The following THSD4 variants were observed in gnomAD, a reference collection of about 807,000 sequenced individuals.
THSD4 encodes the protein thrombospondin type 1 domain containing 4.
In THSD4, 69 loss-of-function variants were observed where a neutral mutation model predicts 119.0. The ratio of observed to expected loss-of-function variants is 0.58; its 90% CI spans 0.48 to 0.71. The LOEUF is 0.71. Ranked by LOEUF, THSD4 falls within the 30% of genes least tolerant of loss-of-function variation. THSD4 has a pLI of 0.00. For synonymous variants in THSD4, 524 were observed against 540.4 expected (o/e 0.97, Z 0.42); for missense variants, 1,393 against 1,391.1 (o/e 1.00, Z -0.02).
At chr15:71,581,226 CTT>C (rs1282781717) in intron 7 of THSD4, among the ~76,000 whole-genome samples, 3 of 152,058 alleles carry the variant, frequency 2.0e-5, no homozygotes, top group African/African-American at 7.2e-5. Context: ...AACACTTAAT[CTT>C]TTGTCTTTTG....
intron 1 of THSD4, among the ~76,000 whole-genome samples, chr15:71,118,684 A>T (rs752972652): frequency 6.6e-6 from 1 of 152,156 alleles, no homozygotes; most frequent in African/African-American, 2.4e-5. Context: ...TTGCGTGTGT[A>T]TGCAGAATCG....
chr15:71,609,358 C>T (rs2050175641), intron 7 of THSD4, among the ~76,000 whole-genome samples: 1 of 152,176 alleles, frequency 6.6e-6, no homozygotes. Flanking sequence ...TTTCTCTTAG[C>T]TCAGCCCTGT....
At chr15:71,274,650 C>T (rs993738445) in intron 6 of THSD4, among the ~76,000 whole-genome samples, 17 of 152,162 alleles carry the variant, frequency 1.1e-4, no homozygotes, top group Admixed American at 2.0e-4. Flanking sequence ...ATGTTTCTCT[C>T]TCTAGCTAAA....
chr15:71,141,654 T>G lies in THSD4; in HGVS notation c.29+98T>G. 3.8e-6 allele frequency: 5 copies of G among 1,317,384 alleles called. No homozygotes were observed. In the South Asian group the frequency reaches 7.0e-5, roughly 18 times the overall value. The allele number at this position is 1,317,384 out of a possible 1,614,324, so 81.6% of individuals were successfully genotyped here. ...CTTAAAGTAAGTGATCTTAAGGGTC[T>G]GCAGCTGACTGATATTTTTGATATA... is the stretch of plus-strand genomic sequence containing the variant. On this transcript the variant is annotated intron_variant, in intron 2 of 17. Transcript: ENST00000261862.
intron 7 of THSD4, among the ~76,000 whole-genome samples, chr15:71,423,818 C>T (rs1447825414): frequency 1.3e-5 from 2 of 152,154 alleles, no homozygotes; most frequent in African/African-American, 4.8e-5. Context: ...AGTACATTAG[C>T]CCACCGTGGC....
At chr15:71,294,136 A>T (rs2044829566) in intron 6 of THSD4, among the ~76,000 whole-genome samples, 1 of 152,092 alleles carries the variant, frequency 6.6e-6, no homozygotes, top group Non-Finnish European at 1.5e-5. Context: ...AGTCTGTAAC[A>T]CCTCTCTGAA....
chr15:71,299,977 AT>A (rs1483310813), intron 6 of THSD4, among the ~76,000 whole-genome samples: 5,419 of 31,302 alleles, frequency 0.17, 108 homozygotes, highest in South Asian at 0.25. Flanking sequence ...AAAAAAAAAA[AT>A]ATATATATAT....
intron 7 of THSD4, 82 bp from the exon 8 acceptor site, chr15:71,660,445 TTTC>T: frequency 6.5e-7 from 1 of 1,543,580 alleles, no homozygotes; most frequent in East Asian, 2.3e-5. Context: ...AGAAAAGAAA[TTTC>T]TTGCCCAGGG....
At chr15:71,729,317 TG>T (rs2052927506) in intron 9 of THSD4, 1 of 153,224 alleles carries the variant, frequency 6.5e-6, no homozygotes, top group Non-Finnish European at 1.5e-5. Flanking sequence ...GAGTTTTAAA[TG>T]GTCCTTACGT....
intron 6 of THSD4, among the ~76,000 whole-genome samples, chr15:71,362,689 A>C (rs1323134479): frequency 6.6e-6 from 1 of 152,186 alleles, no homozygotes; most frequent in Non-Finnish European, 1.5e-5. Flanking sequence ...ATTTCCATGC[A>C]TGGTCCCGGT....
At chr15:71,491,038 A>C (rs946823453) in intron 7 of THSD4, among the ~76,000 whole-genome samples, 1 of 152,250 alleles carries the variant, frequency 6.6e-6, no homozygotes, top group Admixed American at 6.5e-5. Context: ...TTTTGTGTGC[A>C]TGTATGGTAT....
chr15:71,192,542 C>T (rs933777221), intron 3 of THSD4, among the ~76,000 whole-genome samples: 1 of 151,952 alleles, frequency 6.6e-6, no homozygotes, highest in Non-Finnish European at 1.5e-5. Flanking sequence ...GGCCTCCCAA[C>T]GTGTTGGGAT....
At chr15:71,588,376 A>G (rs1268788082) in intron 7 of THSD4, among the ~76,000 whole-genome samples, 2 of 151,052 alleles carry the variant, frequency 1.3e-5, no homozygotes, top group Non-Finnish European at 2.9e-5. Flanking sequence ...AGGAAATATC[A>G]TACTGGTGCT....
chr15:71,363,198 G>C (rs1248097387), intron 6 of THSD4, among the ~76,000 whole-genome samples: 4 of 152,270 alleles, frequency 2.6e-5, no homozygotes, highest in Non-Finnish European at 5.9e-5. Context: ...GCCAGTCTGT[G>C]TCACAACTAC....
intron 1 of THSD4, among the ~76,000 whole-genome samples, chr15:71,135,238 G>A (rs956341670): frequency 8.5e-6 from 1 of 117,780 alleles, no homozygotes; most frequent in Admixed American, 9.0e-5. Flanking sequence ...TAGGGGGGAG[G>A]GGTAGCATTG....
chr15:71,345,254 G>A (rs2045639129), intron 6 of THSD4, among the ~76,000 whole-genome samples: 1 of 152,030 alleles, frequency 6.6e-6, no homozygotes, highest in African/African-American at 2.4e-5. Context: ...ATAAGGAGGA[G>A]TTGTATACTT....
Position 71,255,862 on chromosome 15 carries a change from G to A in THSD4, c.913-751G>A, listed in dbSNP as rs973031530. On this transcript the variant is annotated intron_variant, in intron 5 of 17. Transcript: ENST00000261862. ...ATGTTTAAAGTAGTGCCTGGCAAAGGTAAGGGCTCTGAACATGTCTGCCGT... is the reference window on the plus strand; with the variant it reads ...ATGTTTAAAGTAGTGCCTGGCAAAGATAAGGGCTCTGAACATGTCTGCCGT... Among the ~76,000 whole-genome samples the A allele has an allele frequency of 4.6e-5, 7 of 152,276 alleles. No homozygotes were observed. In the South Asian group the frequency reaches 1.4e-3, roughly 32 times the overall value.
At chr15:71,273,109 C>T (rs1211280535) in intron 6 of THSD4, among the ~76,000 whole-genome samples, 9 of 152,140 alleles carry the variant, frequency 5.9e-5, no homozygotes, top group East Asian at 5.8e-4. Flanking sequence ...TTCACTGCAG[C>T]GTTATTCACA....
At chr15:71,151,013 G>T (rs145301130) in intron 2 of THSD4, among the ~76,000 whole-genome samples, 10 of 152,266 alleles carry the variant, frequency 6.6e-5, no homozygotes, top group African/African-American at 2.4e-4. Flanking sequence ...GATAGAGAGA[G>T]AAATTTAAAT....
Sources: allele counts gnomAD v4.1 joint callset (sites outside exome capture counted in the v4.1 genomes callset), GRCh38; gene constraint gnomAD v4.1.1; transcripts MANE v1.5; gene names NCBI Gene and HGNC (gene_info 2026-07-23, HGNC 2026-07-21).